Variants in MTHFD1L observed in about 807,000 individuals in gnomAD.
MTHFD1L encodes the protein monofunctional C1-tetrahydrofolate synthase, mitochondrial.
In MTHFD1L, 81 loss-of-function variants were observed where a neutral mutation model predicts 119.5. That is an observed-to-expected ratio of 0.68 (90% CI 0.57 to 0.82). MTHFD1L has a LOEUF of 0.82. MTHFD1L is among the 40% of genes least tolerant of loss of function. MTHFD1L has a pLI of 0.00. For missense variants in MTHFD1L, 1,125 were observed against 1,253.4 expected, an observed-to-expected ratio of 0.90 and a Z score of 1.55; for synonymous variants, 430 against 475.2, an observed-to-expected ratio of 0.90 and a Z score of 1.24.
In MTHFD1L at chr6:151,101,649, A is replaced by G. The variant is rs1795376069; in HGVS notation, c.*155A>G. 6.6e-6 allele frequency: 1 copy of G among 152,634 alleles called. No individual in the cohort carries two copies. Among genetic ancestry groups the G allele is most frequent in the Non-Finnish European group, 1.5e-5 (1 of 68,038 alleles). The allele number at this position is 152,634 out of a possible 1,614,324, so 9.5% of individuals were successfully genotyped here. On this transcript the variant is annotated 3_prime_UTR_variant, in exon 28 of 28. Coordinates refer to ENST00000367321, the MANE Select transcript of MTHFD1L (RefSeq NM_015440.5). ...AGGCCAAAGATTTCTTCTTCGTTCA[A>G]GATGAATTCTGTTCACAGTGGAGTA... is the stretch of plus-strand genomic sequence containing the variant.
chr6:150,949,179 G>A (rs1437661567), intron 16 of MTHFD1L, 46 bp downstream of exon 16: 1 of 1,496,836 alleles, frequency 6.7e-7, no homozygotes, highest in South Asian at 1.1e-5. Context: ...AGGTGGGGAG[G>A]CGTGTTCGAG....
intron 23 of MTHFD1L, 124 bp from the exon 24 acceptor site, chr6:151,015,392 C>T (rs1782902564): frequency 7.4e-6 from 8 of 1,086,710 alleles, no homozygotes; most frequent in Middle Eastern, 2.1e-4. Flanking sequence ...CACGATGTGA[C>T]CACTTTTGAT....
intron 8 of MTHFD1L, among the ~76,000 whole-genome samples, chr6:150,911,099 C>T (rs992652248): frequency 2.0e-5 from 3 of 151,750 alleles, no homozygotes; most frequent in Non-Finnish European, 4.4e-5. Context: ...AGTATATTGC[C>T]AGTTTTCCAT....
chr6:151,009,741 C>G (rs921079490), intron 20 of MTHFD1L, 78 bp from the exon 21 acceptor site: 4 of 1,504,040 alleles, frequency 2.7e-6, no homozygotes, highest in Admixed American at 1.8e-5. Flanking sequence ...CCTTTGAGCT[C>G]GAATCATAGT....
intron 26 of MTHFD1L, among the ~76,000 whole-genome samples, chr6:151,052,850 G>A (rs1211042047): frequency 6.6e-6 from 1 of 152,152 alleles, no homozygotes; most frequent in African/African-American, 2.4e-5. Context: ...GTGAGCCTGA[G>A]CCCAGCCCCA....
chr6:151,058,649 G>A (rs1394454110), intron 26 of MTHFD1L, among the ~76,000 whole-genome samples: 3 of 152,150 alleles, frequency 2.0e-5, no homozygotes, highest in Non-Finnish European at 2.9e-5. Flanking sequence ...GAGGGCCCAC[G>A]CCACCCTCCT....
intron 4 of MTHFD1L, among the ~76,000 whole-genome samples, chr6:150,882,104 A>G (rs907819258): frequency 8.5e-5 from 13 of 152,242 alleles, no homozygotes; most frequent in Admixed American, 7.9e-4. Context: ...ACACACCCAG[A>G]CATTTATTAG....
chr6:151,073,146 A>C (rs1372276111), intron 26 of MTHFD1L, among the ~76,000 whole-genome samples: 1 of 152,196 alleles, frequency 6.6e-6, no homozygotes, highest in Non-Finnish European at 1.5e-5. Context: ...GGATACATCA[A>C]GGGAAACCAA....
chr6:151,058,007 C>T (rs1790192862), intron 26 of MTHFD1L, among the ~76,000 whole-genome samples: 1 of 152,068 alleles, frequency 6.6e-6, no homozygotes, highest in African/African-American at 2.4e-5. Context: ...AAACTCCTGA[C>T]CGCACATTAT....
At chr6:151,064,423 C>G (rs1481269037) in intron 26 of MTHFD1L, among the ~76,000 whole-genome samples, 1 of 152,010 alleles carries the variant, frequency 6.6e-6, no homozygotes, top group African/African-American at 2.4e-5. Flanking sequence ...GAGTGATTCT[C>G]CTGCCTCAGC....
intron 26 of MTHFD1L, among the ~76,000 whole-genome samples, chr6:151,045,005 G>A (rs1439123159): frequency 2.0e-5 from 3 of 152,146 alleles, no homozygotes; most frequent in African/African-American, 7.2e-5. Flanking sequence ...TATGTACTCA[G>A]TGTTTCGTTT....
chr6:151,013,972 G>A (rs1584130988), intron 22 of MTHFD1L, 152 bp downstream of exon 22: 1 of 666,970 alleles, frequency 1.5e-6, no homozygotes, highest in East Asian at 2.8e-5. Flanking sequence ...CAGCACTTTG[G>A]GAGGCCAAGG....
intron 26 of MTHFD1L, among the ~76,000 whole-genome samples, chr6:151,045,250 C>G (rs1037694616): frequency 2.0e-5 from 3 of 152,034 alleles, no homozygotes; most frequent in Non-Finnish European, 4.4e-5. Context: ...AAACATTCAC[C>G]CCCCCGCCAA....
chr6:151,079,158 C>CT (rs1792867663), intron 26 of MTHFD1L, among the ~76,000 whole-genome samples: 1 of 152,056 alleles, frequency 6.6e-6, no homozygotes, highest in South Asian at 2.1e-4. Context: ...ATCAGATGGC[C>CT]TTGCTGTGAA....
chr6:151,053,215 T>C (rs1789353231), intron 26 of MTHFD1L, among the ~76,000 whole-genome samples: 1 of 152,218 alleles, frequency 6.6e-6, no homozygotes, highest in Non-Finnish European at 1.5e-5. Context: ...ATCCCAACTA[T>C]TATAAGGCCA....
intron 20 of MTHFD1L, among the ~76,000 whole-genome samples, chr6:150,990,202 C>G (rs1778862601): frequency 6.6e-6 from 1 of 151,770 alleles, no homozygotes. Flanking sequence ...TCGCTTGAAC[C>G]AGGGAGGCAG....
Position 151,012,019 on chromosome 6 carries a change from CAAAA to C in MTHFD1L, c.2266-1731_2266-1728del, listed in dbSNP as rs1043831602. 3.1e-3 allele frequency among the ~76,000 whole-genome samples: 185 copies of C among 58,812 alleles called. 2 individuals carry two copies. Among genetic ancestry groups the C allele is most frequent in the African/African-American group, 9.0e-3 (156 of 17,366 alleles). 38.6% of individuals were successfully genotyped at this position (58,812 alleles called of 152,430 possible). On this transcript the variant is annotated intron_variant, in intron 21 of 27. Transcript: ENST00000367321. ...TCCATCTCAACAACAACAACAACAA[CAAAA>C]AAAAAAAAAAAAAAAAAAAAAAAAA...
chr6:150,949,234 T>A, intron 16 of MTHFD1L, 101 bp downstream of exon 16: 1 of 841,764 alleles, frequency 1.2e-6, no homozygotes, highest in African/African-American at 1.7e-5. Context: ...TCCTGTCCAG[T>A]GATCTTCCCA....
intron 26 of MTHFD1L, among the ~76,000 whole-genome samples, chr6:151,041,179 C>T (rs1404289593): frequency 3.9e-5 from 6 of 152,308 alleles, no homozygotes; most frequent in Non-Finnish European, 8.8e-5. Flanking sequence ...TCACTGGAGG[C>T]GGTGGCCCTA....
Sources: allele counts gnomAD v4.1 joint callset (sites outside exome capture counted in the v4.1 genomes callset), GRCh38; gene constraint gnomAD v4.1.1; transcripts MANE v1.5; gene names NCBI Gene and HGNC (gene_info 2026-07-23, HGNC 2026-07-21).